Variants in POLR3B observed in about 807,000 individuals in gnomAD.
POLR3B encodes the protein RNA polymerase III subunit B, also known as DNA-directed RNA polymerase III subunit RPC2.
A neutral mutation model predicts 147.4 loss-of-function variants in POLR3B; 96 were observed. That is an observed-to-expected ratio of 0.65 (90% CI 0.55 to 0.77). The LOEUF is 0.77. Ranked by LOEUF, POLR3B falls within the 30% of genes least tolerant of loss-of-function variation. The pLI, the probability that POLR3B is intolerant of heterozygous loss-of-function variation, is 0.00. For synonymous variants in POLR3B, 461 were observed against 485.9 expected (o/e 0.95, Z 0.67); for missense variants, 1,036 against 1,413.5 (o/e 0.73, Z 4.28).
At chr12:106,424,574 C>T (rs1375233305) in intron 12 of POLR3B, among the ~76,000 whole-genome samples, 1 of 152,036 alleles carries the variant, frequency 6.6e-6, no homozygotes, top group African/African-American at 2.4e-5. Context: ...TTTTGTTACC[C>T]TGAAACATAA....
chr12:106,468,695 T>C (rs1353489597), intron 23 of POLR3B, among the ~76,000 whole-genome samples: 1 of 152,202 alleles, frequency 6.6e-6, no homozygotes, highest in East Asian at 1.9e-4. Context: ...TTCATTTCAT[T>C]ATTTACCCCA....
At chr12:106,505,733 T>G (rs960516826) in intron 27 of POLR3B, among the ~76,000 whole-genome samples, 5 of 152,178 alleles carry the variant, frequency 3.3e-5, no homozygotes, top group Admixed American at 3.3e-4. Context: ...AAGATAGAGT[T>G]AGGCCCAAAT....
chr12:106,367,628 C>T (rs982739917), intron 4 of POLR3B, among the ~76,000 whole-genome samples: 3 of 152,102 alleles, frequency 2.0e-5, no homozygotes, highest in African/African-American at 7.2e-5. Context: ...GGCAAGAATA[C>T]CACAGAAGCA....
At chr12:106,464,067 C>T (rs1036018237) in intron 23 of POLR3B, among the ~76,000 whole-genome samples, 2 of 152,060 alleles carry the variant, frequency 1.3e-5, no homozygotes, top group South Asian at 2.1e-4. Context: ...GTTCAGACCC[C>T]GCATTTTCAG....
At chr12:106,490,211 C>G (rs956389909) in intron 23 of POLR3B, among the ~76,000 whole-genome samples, 1 of 152,150 alleles carries the variant, frequency 6.6e-6, no homozygotes, top group African/African-American at 2.4e-5. Context: ...AATTCTGTTT[C>G]CAAATAGTGT....
chr12:106,472,997 G>T (rs1012927613), intron 23 of POLR3B, among the ~76,000 whole-genome samples: 4 of 101,226 alleles, frequency 4.0e-5, no homozygotes, highest in Non-Finnish European at 7.5e-5. Context: ...ATGGTTTTAG[G>T]TCTAACGTTT....
chr12:106,478,808 A>G (rs11113008), intron 23 of POLR3B, among the ~76,000 whole-genome samples: 1 of 152,140 alleles, frequency 6.6e-6, no homozygotes, highest in African/African-American at 2.4e-5. Flanking sequence ...ACAAAAAAAA[A>G]CCATCAGTCC....
At chr12:106,483,958 C>T (rs1378794584) in intron 23 of POLR3B, among the ~76,000 whole-genome samples, 1 of 152,086 alleles carries the variant, frequency 6.6e-6, no homozygotes, top group African/African-American at 2.4e-5. Context: ...CTATTTTGTC[C>T]CTTTATGTCT....
intron 11 of POLR3B, among the ~76,000 whole-genome samples, chr12:106,406,928 C>T (rs576168056): frequency 6.2e-4 from 94 of 152,296 alleles, no homozygotes; most frequent in Admixed American, 9.8e-4. Flanking sequence ...GGGTTGCAAA[C>T]ACTACCTTCA....
chr12:106,444,335 A>T, intron 18 of POLR3B, 128 bp from the exon 19 acceptor site: 1 of 839,332 alleles, frequency 1.2e-6, no homozygotes, highest in South Asian at 1.5e-5. Flanking sequence ...TACCAGTTTT[A>T]CTAGCATCAA....
At chr12:106,444,397 C>T in intron 18 of POLR3B, 66 bp from the exon 19 acceptor site, 2 of 1,529,872 alleles carry the variant, frequency 1.3e-6, no homozygotes, top group Non-Finnish European at 1.8e-6. Flanking sequence ...TATTTTTGTA[C>T]CCTTTAAAAG....
chr12:106,496,668 T>C, intron 24 of POLR3B, 84 bp from the exon 25 acceptor site: 1 of 1,160,358 alleles, frequency 8.6e-7, no homozygotes, highest in Non-Finnish European at 1.3e-6. Flanking sequence ...ATAGTGGTCG[T>C]GGGGAAATGA....
intron 8 of POLR3B, among the ~76,000 whole-genome samples, chr12:106,378,777 CTT>C (rs1028277646): frequency 2.2e-4 from 33 of 152,150 alleles, no homozygotes; most frequent in African/African-American, 7.5e-4. Flanking sequence ...CTATTTGACA[CTT>C]AATATTGAAT....
chr12:106,479,241 G>C (rs1288127440), intron 23 of POLR3B, among the ~76,000 whole-genome samples: 1 of 151,980 alleles, frequency 6.6e-6, no homozygotes. Context: ...CTTCCAGATT[G>C]ATGCTCTAGT....
chr12:106,439,933 C>T (rs2037626932), intron 18 of POLR3B, among the ~76,000 whole-genome samples: 1 of 152,022 alleles, frequency 6.6e-6, no homozygotes, highest in South Asian at 2.1e-4. Flanking sequence ...GTGGTGTGCA[C>T]CTATGATCCC....
At chr12:106,391,789 G>A (rs2036918173) in intron 9 of POLR3B, among the ~76,000 whole-genome samples, 1 of 152,182 alleles carries the variant, frequency 6.6e-6, no homozygotes, top group Non-Finnish European at 1.5e-5. Flanking sequence ...TGAGGATAAT[G>A]TCCTTGATTT....
intron 23 of POLR3B, among the ~76,000 whole-genome samples, chr12:106,480,862 G>A (rs1021882684): frequency 2.0e-5 from 3 of 151,772 alleles, no homozygotes; most frequent in Admixed American, 6.6e-5. Context: ...ATGATATGTC[G>A]TGAGATGAGA....
chr12:106,420,128 A>G (rs1030041687), intron 12 of POLR3B, among the ~76,000 whole-genome samples: 5 of 152,122 alleles, frequency 3.3e-5, no homozygotes, highest in African/African-American at 1.2e-4. Context: ...GTGTGACCTT[A>G]GTGACCTAGA....
At chr12:106,415,200 A>G (rs2037285302) in intron 12 of POLR3B, among the ~76,000 whole-genome samples, 1 of 152,174 alleles carries the variant, frequency 6.6e-6, no homozygotes, top group Non-Finnish European at 1.5e-5. Flanking sequence ...CCACAGTGCT[A>G]ATAAAATTAT....
Sources: allele counts gnomAD v4.1 joint callset (sites outside exome capture counted in the v4.1 genomes callset), GRCh38; gene constraint gnomAD v4.1.1; transcripts MANE v1.5; gene names NCBI Gene and HGNC (gene_info 2026-07-23, HGNC 2026-07-21).